FARS2: variants seen among roughly 807,000 people sequenced by gnomAD.
FARS2 encodes phenylalanine--tRNA ligase, mitochondrial.
In FARS2, 40 loss-of-function variants were observed where a neutral mutation model predicts 46.4. That is an observed-to-expected ratio of 0.86 (90% CI 0.67 to 1.12). The LOEUF is 1.12. Ranked by LOEUF, FARS2 falls within the 50% of genes most tolerant of loss-of-function variation. The pLI is 0.00. For missense variants in FARS2, 513 were observed against 567.9 expected (o/e 0.90, Z 0.98); for synonymous variants, 234 against 214.9 (o/e 1.09, Z -0.78).
At chr6:5,475,733 C>T (rs1419801608) in intron 4 of FARS2, among the ~76,000 whole-genome samples, 1 of 152,136 alleles carries the variant, frequency 6.6e-6, no homozygotes, top group Non-Finnish European at 1.5e-5. Context: ...ATACTCCTAC[C>T]CCAGGGCTTT....
intron 3 of FARS2, among the ~76,000 whole-genome samples, chr6:5,414,981 A>ATT (rs559168191): frequency 6.7e-6 from 1 of 150,046 alleles, no homozygotes; most frequent in African/African-American, 2.5e-5. Context: ...TGCCTGGGTA[A>ATT]TTTTTTTTTG....
At chr6:5,533,362 G>T (rs1582376768) in intron 4 of FARS2, among the ~76,000 whole-genome samples, 1 of 152,104 alleles carries the variant, frequency 6.6e-6, no homozygotes, top group Non-Finnish European at 1.5e-5. Context: ...ATTAAAGAAA[G>T]TCATCACTTG....
At chr6:5,417,016 C>G (rs1762278518) in intron 3 of FARS2, among the ~76,000 whole-genome samples, 1 of 152,116 alleles carries the variant, frequency 6.6e-6, no homozygotes, top group Admixed American at 6.5e-5. Context: ...TAAGAAAAGT[C>G]TTTATATCTC....
At chr6:5,625,566 C>A (rs1376073951) in intron 6 of FARS2, among the ~76,000 whole-genome samples, 3 of 152,110 alleles carry the variant, frequency 2.0e-5, no homozygotes, top group Admixed American at 6.5e-5. Context: ...CACCCAAGAT[C>A]CTGGGTGTCT....
At chr6:5,483,351 T>C (rs1181766243) in intron 4 of FARS2, among the ~76,000 whole-genome samples, 1 of 152,184 alleles carries the variant, frequency 6.6e-6, no homozygotes, top group East Asian at 1.9e-4. Context: ...CCCAAAGTAA[T>C]TCAGTATTGA....
At chr6:5,452,409 T>C (rs1358338726) in intron 4 of FARS2, 1 of 152,448 alleles carries the variant, frequency 6.6e-6, no homozygotes, top group African/African-American at 2.4e-5. Flanking sequence ...CCTCGCTTTC[T>C]CTCCCACTCT....
chr6:5,653,794 G>A (rs185934122), intron 6 of FARS2, among the ~76,000 whole-genome samples: 1 of 152,348 alleles, frequency 6.6e-6, no homozygotes, highest in Non-Finnish European at 1.5e-5. Context: ...ATGCACCAAA[G>A]CAAAGCTCAC....
intron 6 of FARS2, among the ~76,000 whole-genome samples, chr6:5,615,119 T>C (rs1382788666): frequency 6.6e-6 from 1 of 152,236 alleles, no homozygotes; most frequent in Non-Finnish European, 1.5e-5. Context: ...TATATCATTG[T>C]GTTTCACAAA....
Position 5,453,803 on chromosome 6 carries a change from C to A in FARS2, c.904+22631C>A, listed in dbSNP as rs141543272. On this transcript the variant is annotated intron_variant, in intron 4 of 6. Transcript: ENST00000274680. ...GGAGCTCACAGTGCCAGTGGGTAGT[C>A]TAGGCATAAACACATGGAAAGTATG... 2.6e-3 allele frequency among the ~76,000 whole-genome samples: 390 copies of A among 152,182 alleles called. 2 individuals carry two copies. The highest frequency in any genetic ancestry group is 9.0e-3 in the African/African-American group (375 of 41,520).
intron 5 of FARS2, among the ~76,000 whole-genome samples, chr6:5,587,958 A>G (rs1267565143): frequency 6.6e-6 from 1 of 152,202 alleles, no homozygotes; most frequent in African/African-American, 2.4e-5. Context: ...ATGAAACAAC[A>G]TATTTTAAGA....
Position 5,613,288 on chromosome 6 carries a change from G to A in FARS2, c.1185G>A (p.Lys395=). The A allele has an allele frequency of 6.2e-7, 1 of 1,613,366 alleles. No homozygotes were observed. Among genetic ancestry groups the A allele is most frequent in the Non-Finnish European group, 8.5e-7 (1 of 1,179,764 alleles). The change falls in exon 6 of 7, where the codon AAG becomes AAA. Residue 395 remains lysine (K), a synonymous_variant. Transcript: ENST00000274680. The stretch of plus-strand genomic sequence containing the variant: ...CAATTGGAGGAGACCTGGTGGAAAA[G>A]GTTGATCTCATAGACAAGTTTGTAC... ...VRTIGGDLVE[K]VDLIDKFVHP...
chr6:5,429,665 G>A (rs1200461174), intron 3 of FARS2, among the ~76,000 whole-genome samples: 3 of 152,120 alleles, frequency 2.0e-5, no homozygotes, highest in Non-Finnish European at 4.4e-5. Context: ...AGAGAAATTA[G>A]CCAGGCATGA....
At chr6:5,473,542 A>AAC (rs369110312) in intron 4 of FARS2, among the ~76,000 whole-genome samples, 8,876 of 65,754 alleles carry the variant, frequency 0.13, 296 homozygotes, top group African/African-American at 0.23. Context: ...ACAAAAAAAA[A>AAC]AACAAAAAAA....
chr6:5,680,918 G>A (rs982731131), intron 6 of FARS2, among the ~76,000 whole-genome samples: 4 of 152,102 alleles, frequency 2.6e-5, no homozygotes, highest in African/African-American at 9.7e-5. Flanking sequence ...AGTAATCAAA[G>A]AAATGTAATT....
chr6:5,604,845 G>A lies in FARS2; in HGVS notation c.1066-8324G>A, dbSNP rs554854063. On this transcript the variant is annotated intron_variant, in intron 5 of 6. Coordinates refer to ENST00000274680, the MANE Select transcript of FARS2 (RefSeq NM_006567.5). ...TTTGAACTGCATGACACACTTTTGAGTCTGGGTCATAGACCAGATCCTTAT... is the reference window on the plus strand; with the variant it reads ...TTTGAACTGCATGACACACTTTTGAATCTGGGTCATAGACCAGATCCTTAT... 5.3e-4 allele frequency among the ~76,000 whole-genome samples: 81 copies of A among 152,268 alleles called. 1 individual carries two copies. Among genetic ancestry groups the A allele is most frequent in the Middle Eastern group, 3.4e-3 (1 of 294 alleles).
chr6:5,459,182 G>A (rs1765088957), intron 4 of FARS2, among the ~76,000 whole-genome samples: 1 of 152,066 alleles, frequency 6.6e-6, no homozygotes, highest in African/African-American at 2.4e-5. Context: ...TTACTTCTAA[G>A]AAAAACAAAT....
At position 5,727,061 on chromosome 6, in the gene FARS2, C is replaced by T. The variant is rs1158552219; in HGVS notation, c.1218-44230C>T. Among the ~76,000 whole-genome samples, 11 of 152,350 alleles carry T rather than the reference C, an allele frequency of 7.2e-5. No individual in the cohort carries two copies. Among genetic ancestry groups the T allele is most frequent in the African/African-American group, 1.9e-4 (8 of 41,586 alleles). ...TGGCCTCATTGAGCTTCACTTCCAC[C>T]GTCTGTAAAGGAGCAATGCCTCTGC... On this transcript the variant is annotated intron_variant, in intron 6 of 6. Coordinates refer to ENST00000274680, the MANE Select transcript of FARS2 (RefSeq NM_006567.5). This position sits in a 1 kb window ranked among gnomAD's most constrained non-coding sequence, Gnocchi z 4.1.
At chr6:5,553,808 C>A (rs1285388074) in intron 5 of FARS2, among the ~76,000 whole-genome samples, 2 of 152,138 alleles carry the variant, frequency 1.3e-5, no homozygotes, top group Non-Finnish European at 2.9e-5. Flanking sequence ...TTCTGCATTT[C>A]TAACAGTCTC....
At chr6:5,654,989 G>A (rs1362740705) in intron 6 of FARS2, among the ~76,000 whole-genome samples, 3 of 152,058 alleles carry the variant, frequency 2.0e-5, no homozygotes, top group Non-Finnish European at 4.4e-5. Flanking sequence ...CTTGATTGTA[G>A]CAGTATAGTA....
Sources: allele counts gnomAD v4.1 joint callset (sites outside exome capture counted in the v4.1 genomes callset), GRCh38; gene constraint gnomAD v4.1.1; non-coding constraint Gnocchi (gnomAD v3.1); transcripts MANE v1.5; gene names NCBI Gene and HGNC (gene_info 2026-07-23, HGNC 2026-07-21).